WDR59: variants seen among roughly 807,000 people sequenced by gnomAD.
The protein encoded by WDR59 is GATOR2 complex protein WDR59.
Under a neutral mutation model 131.2 loss-of-function variants are expected in WDR59, and 100 were observed. That is an observed-to-expected ratio of 0.76 (90% CI 0.65 to 0.90). The LOEUF is 0.90. Among genes scored for constraint, WDR59 ranks in the 40% least tolerant of loss-of-function variants. The probability of loss-of-function intolerance (pLI) is 0.00; values close to 1 mark genes in which losing one functional copy is unlikely to be tolerated. For missense variants in WDR59, 1,203 were observed against 1,262.2 expected, an observed-to-expected ratio of 0.95 and a Z score of 0.71; for synonymous variants, 601 against 466.2, an observed-to-expected ratio of 1.29 and a Z score of -3.72.
intron 2 of WDR59, among the ~76,000 whole-genome samples, chr16:74,960,268 T>G (rs2033498997): frequency 6.6e-6 from 1 of 151,100 alleles, no homozygotes; most frequent in African/African-American, 2.4e-5. Context: ...GAGGCAGAGG[T>G]TGCAGTGAGC....
chr16:74,919,134 C>T (rs755879819), intron 10 of WDR59, among the ~76,000 whole-genome samples: 16 of 152,082 alleles, frequency 1.1e-4, no homozygotes, highest in Non-Finnish European at 1.9e-4. Context: ...TCCCAAGGGG[C>T]CCTTTGCTTC....
chr16:74,936,633 CTGGCCAACA>C (rs2031823090), intron 8 of WDR59, among the ~76,000 whole-genome samples: 1 of 152,038 alleles, frequency 6.6e-6, no homozygotes, highest in Non-Finnish European at 1.5e-5. Flanking sequence ...CGAGACCATC[CTGGCCAACA>C]TGGTTAAACC....
intron 1 of WDR59, among the ~76,000 whole-genome samples, chr16:74,981,635 TATATATATATATATATATATATATA>T (rs1335495267): frequency 0.12 from 3,154 of 25,690 alleles, 306 homozygotes; most frequent in Non-Finnish European, 0.15. Flanking sequence ...TATATATATA[TATATATATATATATATATATATATA>T]TTTTTTTTTT....
chr16:74,889,848 C>A (rs1211842192), intron 20 of WDR59, 33 bp from the exon 21 acceptor site: 22 of 1,552,962 alleles, frequency 1.4e-5, no homozygotes, highest in African/African-American at 4.1e-5. Flanking sequence ...CAAACTCAAA[C>A]TGGCAAGGAC....
intron 19 of WDR59, among the ~76,000 whole-genome samples, chr16:74,893,469 C>T (rs1461812651): frequency 2.0e-5 from 3 of 152,126 alleles, no homozygotes; most frequent in Non-Finnish European, 4.4e-5. Flanking sequence ...TGTGTCCAGA[C>T]TCGCGACCCA....
intron 13 of WDR59, among the ~76,000 whole-genome samples, chr16:74,913,896 A>G (rs79966777): frequency 0.014 from 2,190 of 152,278 alleles, 41 homozygotes; most frequent in African/African-American, 0.05. Context: ...CACAACAGCC[A>G]GATTATATAC....
Position 74,923,961 on chromosome 16 carries a change from G to C in WDR59, c.694C>G (p.Pro232Ala). ...RQPRKYLNIL[P>A]CQVPVWKARY... ...GCCTTCCAGACAGGCACCTGGCAAG[G>C]AAGAATATTGAGGTATTTCCGAGGC... is the stretch of plus-strand genomic sequence containing the variant. Residue 232 changes from proline to alanine, a missense_variant, in exon 9 of 26, where the codon CCT (proline) becomes GCT (alanine). Transcript: ENST00000262144. 1 of 1,613,808 alleles carries C rather than the reference G, an allele frequency of 6.2e-7. No individual in the cohort carries two copies. Among genetic ancestry groups the C allele is most frequent in the African/African-American group, 1.3e-5 (1 of 75,042 alleles).
At chr16:74,918,993 C>G (rs901230842) in intron 10 of WDR59, among the ~76,000 whole-genome samples, 1 of 152,190 alleles carries the variant, frequency 6.6e-6, no homozygotes, top group African/African-American at 2.4e-5. Flanking sequence ...TGCCTCATGT[C>G]CACATCAACA....
In WDR59 at chr16:74,912,298, A is replaced by G; in HGVS notation, c.1289T>C (p.Leu430Pro). ...TGGGTACTGTGCAGGGAACTTCACC[A>G]GCATCTTGACACGATGGTTGCTGCA... ...VHCSNHRVKM[L>P]VKFPAQYPNN... Residue 430 changes from leucine (L) to proline (P), a missense_variant, in exon 14 of 26, where the codon CTG becomes CCG. By Grantham distance (98) the Leu-to-Pro change is moderately conservative. Coordinates refer to ENST00000262144, the MANE Select transcript of WDR59 (RefSeq NM_030581.4). The G allele has an allele frequency of 1.9e-6, 3 of 1,614,208 alleles. No homozygotes were observed. The highest frequency in any genetic ancestry group is 1.3e-5 in the African/African-American group (1 of 75,062).
Position 74,889,916 on chromosome 16 carries a change from C to T in WDR59, c.2083-101G>A, listed in dbSNP as rs1306215520. On this transcript the variant is annotated intron_variant, in intron 20 of 25. Coordinates refer to ENST00000262144, the MANE Select transcript of WDR59 (RefSeq NM_030581.4). ...CTTCCATATAAAACCTGATGCCTTG[C>T]TACATTGGGGGCAGCAAAAGCTGGA... The T allele has an allele frequency of 7.5e-6, 6 of 802,028 alleles. No individual in the cohort carries two copies. The East Asian group carries it at 1.3e-4, about 18-fold the overall frequency. The allele number at this position is 802,028 out of a possible 1,614,324, so 49.7% of individuals were successfully genotyped here.
intron 8 of WDR59, among the ~76,000 whole-genome samples, chr16:74,928,963 T>A (rs2031131275): frequency 6.6e-6 from 1 of 152,172 alleles, no homozygotes; most frequent in Non-Finnish European, 1.5e-5. Context: ...GCAAACCATC[T>A]ATGTGACAAG....
At chr16:74,984,377 T>C (rs1228968284) in intron 1 of WDR59, among the ~76,000 whole-genome samples, 1 of 152,144 alleles carries the variant, frequency 6.6e-6, no homozygotes, top group Non-Finnish European at 1.5e-5. Context: ...GTGAGAAAAC[T>C]GACGTGTACG....
At chr16:74,945,391 G>A (rs541056925) in intron 6 of WDR59, among the ~76,000 whole-genome samples, 92 of 151,388 alleles carry the variant, frequency 6.1e-4, no homozygotes, top group Non-Finnish European at 1.1e-3. Flanking sequence ...GCAGGAGAAT[G>A]GCGAGAACCT....
intron 6 of WDR59, among the ~76,000 whole-genome samples, chr16:74,946,970 T>C (rs1343620068): frequency 1.3e-5 from 2 of 152,210 alleles, no homozygotes; most frequent in Non-Finnish European, 2.9e-5. Context: ...TGTCAAAATA[T>C]TGACAATTTA....
At position 74,950,220 on chromosome 16, in the gene WDR59, T is replaced by C. The variant is rs149261145; in HGVS notation, c.327-422A>G. Among the ~76,000 whole-genome samples the C allele has an allele frequency of 2.8e-3, 431 of 152,166 alleles. 1 individual carries two copies. The highest frequency in any genetic ancestry group is 9.5e-3 in the African/African-American group (396 of 41,508). ...AGCCAGGCGTGGTGGCACACACCTGTAATCCCAGCTACTTGAGAATCATTT... is the reference window on the plus strand; with the variant it reads ...AGCCAGGCGTGGTGGCACACACCTGCAATCCCAGCTACTTGAGAATCATTT... On this transcript the variant is annotated intron_variant, in intron 4 of 25. Coordinates refer to ENST00000262144, the MANE Select transcript of WDR59 (RefSeq NM_030581.4).
chr16:74,884,800 G>T (rs1964674454), intron 25 of WDR59, among the ~76,000 whole-genome samples: 2 of 152,032 alleles, frequency 1.3e-5, no homozygotes, highest in Admixed American at 1.3e-4. Context: ...CATTTCCCTG[G>T]GGCCTGTCCC....
At chr16:74,962,038 A>T (rs2033589030) in intron 2 of WDR59, among the ~76,000 whole-genome samples, 4 of 152,154 alleles carry the variant, frequency 2.6e-5, no homozygotes. Context: ...ACCACTTGTT[A>T]AACAGGGAAT....
chr16:74,912,142 T>C, intron 14 of WDR59, 56 bp downstream of exon 14: 1 of 1,609,214 alleles, frequency 6.2e-7, no homozygotes, highest in Non-Finnish European at 8.5e-7. Context: ...TCTTTACTAA[T>C]CCATCTAGAC....
chr16:74,914,616 C>G (rs1273010150), intron 13 of WDR59, among the ~76,000 whole-genome samples: 1 of 147,190 alleles, frequency 6.8e-6, no homozygotes, highest in South Asian at 2.1e-4. Flanking sequence ...TTTTTCGAGA[C>G]GGAGTCTTGC....
Sources: gnomAD v4.1 joint callset for allele counts (sites outside exome capture counted in the v4.1 genomes callset) on GRCh38, gnomAD v4.1.1 for gene constraint, MANE v1.5 for transcripts, NCBI Gene and HGNC (gene_info 2026-07-23, HGNC 2026-07-21) for gene names.